The following PRIM2 variants were observed in gnomAD, a reference collection of about 807,000 sequenced individuals.
The protein encoded by PRIM2 is DNA primase large subunit.
A neutral mutation model predicts 67.3 loss-of-function variants in PRIM2; 39 were observed. That is an observed-to-expected ratio of 0.58 (90% CI 0.45 to 0.76). The LOEUF (loss-of-function observed/expected upper bound fraction) is 0.76, where lower values mean the gene tolerates loss of function less well. PRIM2 is among the 30% of genes least tolerant of loss of function. The pLI, the probability that PRIM2 is intolerant of heterozygous loss-of-function variation, is 0.00. For missense variants in PRIM2, 398 were observed against 598.7 expected (o/e 0.66, Z 3.50); for synonymous variants, 143 against 198.7 (o/e 0.72, Z 2.36).
At chr6:57,325,670 G>T (rs1414533256) in intron 4 of PRIM2, among the ~76,000 whole-genome samples, 1 of 152,092 alleles carries the variant, frequency 6.6e-6, no homozygotes, top group Non-Finnish European at 1.5e-5. Flanking sequence ...TAAAAATAAT[G>T]CAGCTAGTCT....
At chr6:57,526,511 A>G (rs1774757038) in intron 8 of PRIM2, among the ~76,000 whole-genome samples, 2 of 152,174 alleles carry the variant, frequency 1.3e-5, no homozygotes, top group South Asian at 2.1e-4. Flanking sequence ...TTAATCAAAC[A>G]TTGCCCTTTA....
At chr6:57,491,623 C>T (rs1554345968) in intron 7 of PRIM2, among the ~76,000 whole-genome samples, 2 of 152,120 alleles carry the variant, frequency 1.3e-5, no homozygotes, top group Non-Finnish European at 2.9e-5. Context: ...GATTTTCTAA[C>T]AATAACATAT....
At chr6:57,626,411 A>G (rs1776949648) in intron 12 of PRIM2, among the ~76,000 whole-genome samples, 1 of 152,150 alleles carries the variant, frequency 6.6e-6, no homozygotes, top group Non-Finnish European at 1.5e-5. Context: ...TGTATCATCT[A>G]TGTTCCATCA....
intron 7 of PRIM2, among the ~76,000 whole-genome samples, chr6:57,480,786 G>A (rs1317384911): frequency 1.1e-3 from 162 of 152,050 alleles, no homozygotes; most frequent in African/African-American, 3.6e-3. Context: ...ATGTCACCAC[G>A]CCCAGCTAGT....
chr6:57,244,680 G>C, the PRIM2 span, among the ~76,000 whole-genome samples: 1 of 151,544 alleles, frequency 6.6e-6, no homozygotes, highest in Non-Finnish European at 1.5e-5. Context: ...AGAATCGCTT[G>C]AACCCGAGTG....
rs1776455382 is a variant in PRIM2, at chr6:57,601,088, A to G, written c.1021-5A>G. ...TTGTCTCTTTTTCCATTTCCTCCCA[A>G]TCAGTTTGATAAAGGTTACTCTTAC... On this transcript the variant is annotated splice_region_variant and splice_polypyrimidine_tract_variant and intron_variant, in intron 10 of 13. Coordinates refer to ENST00000615550, the MANE Select transcript of PRIM2 (RefSeq NM_000947.5). 6 of 1,603,802 alleles carry G rather than the reference A, an allele frequency of 3.7e-6. No individual in the cohort carries two copies. The highest frequency in any genetic ancestry group is 1.1e-5 in the South Asian group (1 of 89,256).
At chr6:57,442,749 TG>T (rs1357429394) in intron 7 of PRIM2, among the ~76,000 whole-genome samples, 2 of 152,164 alleles carry the variant, frequency 1.3e-5, no homozygotes, top group Non-Finnish European at 2.9e-5. Context: ...ATGAATACAA[TG>T]TGGAATAATG....
chr6:57,251,553 A>T, the PRIM2 span, among the ~76,000 whole-genome samples: 1 of 152,192 alleles, frequency 6.6e-6, no homozygotes, highest in African/African-American at 2.4e-5. Flanking sequence ...CTTGGATCAG[A>T]TGATTTCCTT....
At chr6:57,286,528 ATGG>A in the PRIM2 span, among the ~76,000 whole-genome samples, 144 of 152,318 alleles carry the variant, frequency 9.5e-4, no homozygotes, top group Non-Finnish European at 1.7e-3. Flanking sequence ...TATTTAATAA[ATGG>A]TGCTGGGAAA....
At chr6:57,473,675 A>C (rs1304305873) in intron 7 of PRIM2, among the ~76,000 whole-genome samples, 1 of 152,164 alleles carries the variant, frequency 6.6e-6, no homozygotes, top group African/African-American at 2.4e-5. Flanking sequence ...ACAAACGAAC[A>C]AAACCGGGTT....
chr6:57,610,167 C>A (rs1449251456), intron 12 of PRIM2, among the ~76,000 whole-genome samples: 1 of 152,180 alleles, frequency 6.6e-6, no homozygotes, highest in Non-Finnish European at 1.5e-5. Context: ...CTGCCGGCTT[C>A]AAGTGATTCT....
chr6:57,559,007 C>T (rs1157550140), intron 10 of PRIM2, among the ~76,000 whole-genome samples: 2 of 151,714 alleles, frequency 1.3e-5, no homozygotes, highest in Non-Finnish European at 2.9e-5. Flanking sequence ...TGTGGTGATA[C>T]ACACCTGTAG....
chr6:57,247,641 TGAG>T, the PRIM2 span, among the ~76,000 whole-genome samples: 1 of 152,186 alleles, frequency 6.6e-6, no homozygotes, highest in Non-Finnish European at 1.5e-5. Flanking sequence ...TTGCTCTGTG[TGAG>T]GAGGTGTTTC....
Position 57,449,248 on chromosome 6 carries a change from G to A in PRIM2, c.694-58139G>A, listed in dbSNP as rs541090201. On this transcript the variant is annotated intron_variant, in intron 7 of 13. Transcript: ENST00000615550. ...AAGAGATGACTATTTAGCCCTAGGT[G>A]CAGAATTTGAATCAAAGAATTATGA... 3.9e-5 allele frequency among the ~76,000 whole-genome samples: 6 copies of A among 152,156 alleles called. 1 individual carries two copies. In the South Asian group the frequency reaches 1.0e-3, roughly 26 times the overall value.
chr6:57,352,730 T>G (rs1412001971), intron 5 of PRIM2, among the ~76,000 whole-genome samples: 2 of 53,606 alleles, frequency 3.7e-5, no homozygotes, highest in African/African-American at 8.7e-5. Context: ...CGTTTTTTAG[T>G]TTTTTTTTCT....
At chr6:57,274,320 G>C in the PRIM2 span, among the ~76,000 whole-genome samples, 1 of 152,038 alleles carries the variant, frequency 6.6e-6, no homozygotes, top group Non-Finnish European at 1.5e-5. Flanking sequence ...ATCAAGTCTC[G>C]GCAATGGCGG....
intron 7 of PRIM2, among the ~76,000 whole-genome samples, chr6:57,389,976 T>C (rs1770275203): frequency 6.6e-6 from 1 of 152,176 alleles, no homozygotes; most frequent in Non-Finnish European, 1.5e-5. Flanking sequence ...AACTTGTCAG[T>C]GCTGCAGCAA....
chr6:57,631,809 A>T (rs1777041181), intron 12 of PRIM2, among the ~76,000 whole-genome samples: 1 of 152,236 alleles, frequency 6.6e-6, no homozygotes, highest in Non-Finnish European at 1.5e-5. Flanking sequence ...TTGCAATATG[A>T]TGTTCTGACA....
chr6:57,310,744 G>C (rs979782255), upstream of PRIM2, among the ~76,000 whole-genome samples: 6 of 143,900 alleles, frequency 4.2e-5, no homozygotes, highest in African/African-American at 1.6e-4. Context: ...TTCCCAGACG[G>C]GGTGGCCAGG....
Sources: gnomAD v4.1 joint callset for allele counts (sites outside exome capture counted in the v4.1 genomes callset) on GRCh38, gnomAD v4.1.1 for gene constraint, MANE v1.5 for transcripts, NCBI Gene and HGNC (gene_info 2026-07-23, HGNC 2026-07-21) for gene names.